Variants in PEX3 observed in about 807,000 individuals in gnomAD.
The protein encoded by PEX3 is peroxisomal biogenesis factor 3.
A neutral mutation model predicts 55.8 loss-of-function variants in PEX3; 30 were observed. That is an observed-to-expected ratio of 0.54 (90% CI 0.40 to 0.73). The LOEUF (loss-of-function observed/expected upper bound fraction) is 0.73. PEX3 is among the 30% of genes least tolerant of loss of function. The pLI is 0.00. For synonymous variants in PEX3, 135 were observed against 148.4 expected (o/e 0.91, Z 0.66); for missense variants, 351 against 432.8 (o/e 0.81, Z 1.68).
In PEX3 at chr6:143,475,196, A is replaced by G. The variant is rs161064; in HGVS notation, c.818+340A>G. Among the ~76,000 whole-genome samples the G allele has an allele frequency of 0.37, 55,691 of 152,046 alleles. 10,570 individuals are homozygous for G. Among genetic ancestry groups the G allele is most frequent in the Admixed American group, 0.46 (6,961 of 15,290 alleles). ...CATCAGTGATCTTTTGCCATATCCA[A>G]TGAACCTGTAATGTTCATCTTACTT... On this transcript the variant is annotated intron_variant, in intron 9 of 11. Coordinates refer to ENST00000367591, the MANE Select transcript of PEX3 (RefSeq NM_003630.3). This position sits in a 1 kb window ranked among gnomAD's most constrained non-coding sequence, Gnocchi z 4.4.
Position 143,484,386 on chromosome 6 carries a change from AT to A in PEX3, c.942-762del, listed in dbSNP as rs1293345147. Among the ~76,000 whole-genome samples, 11 of 152,184 alleles carry A rather than the reference AT, an allele frequency of 7.2e-5. No homozygotes were observed. The South Asian group carries it at 2.1e-3, about 29-fold the overall frequency. On this transcript the variant is annotated intron_variant, in intron 10 of 11. Coordinates refer to ENST00000367591, the MANE Select transcript of PEX3 (RefSeq NM_003630.3). ...TAGGCAAGGGAAAGAAGTGCCAAGG[AT>A]TTTCAAAAGATTTTAAGATTATTAA...
rs183879611 is a variant in PEX3 at position 143,462,524 on chromosome 6, G to C, written c.206-392G>C. The stretch of plus-strand genomic sequence containing the variant: ...TATAGCTGAATATAAAAATGCTTTT[G>C]ATCATTGTCATTAAATCAGAAGTAA... On this transcript the variant is annotated intron_variant, in intron 2 of 11. Transcript: ENST00000367591. The surrounding 1 kb of genome is among the most constrained non-coding windows in gnomAD (Gnocchi z 4.1). Among the ~76,000 whole-genome samples, 20 of 152,124 alleles carry C rather than the reference G, an allele frequency of 1.3e-4. No homozygotes were observed. Among genetic ancestry groups the C allele is most frequent in the Non-Finnish European group, 2.6e-4 (18 of 67,998 alleles).
At chr6:143,473,185 A>G (rs1321431705) in intron 8 of PEX3, among the ~76,000 whole-genome samples, 3 of 152,260 alleles carry the variant, frequency 2.0e-5, no homozygotes, top group South Asian at 4.1e-4. Context: ...AGGATTTCCC[A>G]TTGCCAGAGA....
Position 143,454,267 on chromosome 6 carries a change from G to A in PEX3, c.73+3152G>A, listed in dbSNP as rs1779813488. Among the ~76,000 whole-genome samples, 1 of 152,082 alleles carries A rather than the reference G, an allele frequency of 6.6e-6. No homozygotes were observed. Among genetic ancestry groups the A allele is most frequent in the Admixed American group, 6.6e-5 (1 of 15,250 alleles). On this transcript the variant is annotated intron_variant, in intron 1 of 11. Transcript: ENST00000367591. The surrounding 1 kb of genome is among the most constrained non-coding windows in gnomAD (Gnocchi z 4.3). Reference sequence around the variant, plus strand: ...GCATGAGAGAATGAGAATGAAAAAGGCAAATAACATTTTAGTATTATTACG... The same window carrying A: ...GCATGAGAGAATGAGAATGAAAAAGACAAATAACATTTTAGTATTATTACG...
rs1269616736 is a variant in PEX3, at chr6:143,463,875, G to A, written c.287+878G>A. Among the ~76,000 whole-genome samples the A allele has an allele frequency of 6.6e-6, 1 of 152,082 alleles. No homozygotes were observed. Among genetic ancestry groups the A allele is most frequent in the African/African-American group, 2.4e-5 (1 of 41,420 alleles). On this transcript the variant is annotated intron_variant, in intron 3 of 11. Coordinates refer to ENST00000367591, the MANE Select transcript of PEX3 (RefSeq NM_003630.3). The surrounding 1 kb of genome is among the most constrained non-coding windows in gnomAD (Gnocchi z 5.7). ...ATTCATTTTGCAGTAGGAATTGAGTGCTCAGACAGGCTACATAACAAGTGG... is the reference window on the plus strand; with the variant it reads ...ATTCATTTTGCAGTAGGAATTGAGTACTCAGACAGGCTACATAACAAGTGG...
Position 143,471,432 on chromosome 6 carries a change from A to C in PEX3, c.506A>C (p.Gln169Pro). 6.2e-7 allele frequency: 1 copy of C among 1,603,728 alleles called. No individual in the cohort carries two copies. Among genetic ancestry groups the C allele is most frequent in the Non-Finnish European group, 8.5e-7 (1 of 1,170,978 alleles). Reference sequence around the variant, plus strand: ...CAACAGCAGTATTTATCAAGTATTCAGCACCTACTTGGAGATGGTAAGATT... The same window carrying C: ...CAACAGCAGTATTTATCAAGTATTCCGCACCTACTTGGAGATGGTAAGATT... ...DVQQQYLSSI[Q>P]HLLGDGLTEL... The change falls in exon 6 of 12, where the codon CAG becomes CCG. Residue 169 changes from glutamine (Q) to proline (P), a missense_variant. Coordinates refer to ENST00000367591, the MANE Select transcript of PEX3 (RefSeq NM_003630.3). This position sits in a 1 kb window ranked among gnomAD's most constrained non-coding sequence, Gnocchi z 5.4.
At position 143,463,064 on chromosome 6, in the gene PEX3, A is replaced by C; in HGVS notation, c.287+67A>C. On this transcript the variant is annotated intron_variant, in intron 3 of 11. Transcript: ENST00000367591. This position sits in a 1 kb window ranked among gnomAD's most constrained non-coding sequence, Gnocchi z 5.7. ...TAAAGTTTATAGAATGAACTGATAG[A>C]CTTTTCAAAAATCTTTGTTATTTTT... 8.7e-7 allele frequency: 1 copy of C among 1,148,180 alleles called. No homozygotes were observed. 71.1% of individuals were successfully genotyped at this position (1,148,180 alleles called of 1,614,324 possible).
Position 143,471,246 on chromosome 6 carries a change from AT to A in PEX3, c.457-132del. On this transcript the variant is annotated intron_variant, in intron 5 of 11. Coordinates refer to ENST00000367591, the MANE Select transcript of PEX3 (RefSeq NM_003630.3). The surrounding 1 kb of genome is among the most constrained non-coding windows in gnomAD (Gnocchi z 5.4). ...ATAATTTTTATATGTTGAAACTAGA[AT>A]TTTTGGTGTGTTAAAAATTACTATT... is the stretch of plus-strand genomic sequence containing the variant. 2.0e-6 allele frequency: 2 copies of A among 991,856 alleles called. No homozygotes were observed. The highest frequency in any genetic ancestry group is 3.1e-6 in the Non-Finnish European group (2 of 648,732). 61.4% of individuals were successfully genotyped at this position (991,856 alleles called of 1,614,324 possible). A position where few individuals can be genotyped will look rare whatever the true frequency, so the allele number is the denominator to read the frequency against.
chr6:143,463,492 C>G lies in PEX3; in HGVS notation c.287+495C>G, dbSNP rs113195665. Among the ~76,000 whole-genome samples the G allele has an allele frequency of 0.013, 1,947 of 152,252 alleles. 33 individuals carry two copies. The highest frequency in any genetic ancestry group is 0.044 in the African/African-American group (1,835 of 41,550). On this transcript the variant is annotated intron_variant, in intron 3 of 11. Coordinates refer to ENST00000367591, the MANE Select transcript of PEX3 (RefSeq NM_003630.3). The surrounding 1 kb of genome is among the most constrained non-coding windows in gnomAD (Gnocchi z 5.7). ...ATACTAATAATTTACATTGCCATGGCAGTTTGCTGTTTCCAAAAGCACTTT... is the reference window on the plus strand; with the variant it reads ...ATACTAATAATTTACATTGCCATGGGAGTTTGCTGTTTCCAAAAGCACTTT...
Position 143,458,626 on chromosome 6 carries a change from G to C in PEX3, c.74-459G>C, listed in dbSNP as rs1284570708. Among the ~76,000 whole-genome samples the C allele has an allele frequency of 1.3e-5, 2 of 151,738 alleles. No homozygotes were observed. Among genetic ancestry groups the C allele is most frequent in the Non-Finnish European group, 2.9e-5 (2 of 67,914 alleles). ...TAAAACTCACCTATTTTTTGTATCT[G>C]TTTCCATTAAAAAAAGTAACATTTC... On this transcript the variant is annotated intron_variant, in intron 1 of 11. Coordinates refer to ENST00000367591, the MANE Select transcript of PEX3 (RefSeq NM_003630.3). The surrounding 1 kb of genome is among the most constrained non-coding windows in gnomAD (Gnocchi z 6.1).
At chr6:143,455,903 C>CT (rs1247015580) in intron 1 of PEX3, among the ~76,000 whole-genome samples, 3 of 152,054 alleles carry the variant, frequency 2.0e-5, no homozygotes, top group Non-Finnish European at 4.4e-5. Context: ...TATTTTCAAA[C>CT]TTTTTTTGAA....
chr6:143,469,851 G>C (rs1780045733), intron 4 of PEX3, among the ~76,000 whole-genome samples: 1 of 152,122 alleles, frequency 6.6e-6, no homozygotes, highest in Non-Finnish European at 1.5e-5. Flanking sequence ...ATTAATTTTT[G>C]TATAAGGTGT....
chr6:143,489,438 A>G lies in PEX3; in HGVS notation c.*212A>G, dbSNP rs939930992. Reference sequence around the variant, plus strand: ...CAGACCAGTTTTTGTGGGCATATATATATACACGTGCAAATATCAGAATTG... The same window carrying G: ...CAGACCAGTTTTTGTGGGCATATATGTATACACGTGCAAATATCAGAATTG... On this transcript the variant is annotated 3_prime_UTR_variant, in exon 12 of 12. Coordinates refer to ENST00000367591, the MANE Select transcript of PEX3 (RefSeq NM_003630.3). This position sits in a 1 kb window ranked among gnomAD's most constrained non-coding sequence, Gnocchi z 5.5. 30 of 423,596 alleles carry G rather than the reference A, an allele frequency of 7.1e-5. No individual in the cohort carries two copies. Among genetic ancestry groups the G allele is most frequent in the Non-Finnish European group, 1.1e-4 (26 of 232,566 alleles). 26.2% of individuals were successfully genotyped at this position (423,596 alleles called of 1,614,324 possible).
At position 143,463,127 on chromosome 6, in the gene PEX3, ATAC is replaced by A. The variant is rs1779947488; in HGVS notation, c.287+133_287+135del. ...AGTTTATATAGGCTCAGTAAGAAAA[ATAC>A]TAACTATATCATTTAACCTACATTT... On this transcript the variant is annotated intron_variant, in intron 3 of 11. Transcript: ENST00000367591. The surrounding 1 kb of genome is among the most constrained non-coding windows in gnomAD (Gnocchi z 5.7). The A allele has an allele frequency of 2.9e-6, 2 of 696,006 alleles. No individual in the cohort carries two copies. The highest frequency in any genetic ancestry group is 3.6e-5 in the African/African-American group (2 of 55,620). 43.1% of individuals were successfully genotyped at this position (696,006 alleles called of 1,614,324 possible).
At chr6:143,472,555 T>C (rs555596289) in intron 8 of PEX3, among the ~76,000 whole-genome samples, 6 of 152,192 alleles carry the variant, frequency 3.9e-5, no homozygotes, top group Non-Finnish European at 8.8e-5. Context: ...TTATCAGGTA[T>C]GTGACAGTAG....
chr6:143,470,285 A>G (rs1780055155), intron 4 of PEX3, among the ~76,000 whole-genome samples: 1 of 151,944 alleles, frequency 6.6e-6, no homozygotes, highest in Non-Finnish European at 1.5e-5. Flanking sequence ...AGATTTCTAC[A>G]TTCCCTTTCT....
In PEX3 at chr6:143,462,007, A is replaced by G. The variant is rs1779927035; in HGVS notation, c.206-909A>G. 6.6e-6 allele frequency among the ~76,000 whole-genome samples: 1 copy of G among 152,174 alleles called. No individual in the cohort carries two copies. Among genetic ancestry groups the G allele is most frequent in the South Asian group, 2.1e-4 (1 of 4,828 alleles). ...TTCATTTTGTTATCGTTACTTTTTT[A>G]GGGTTTAGAGACTCATTTTACATTT... is the stretch of plus-strand genomic sequence containing the variant. On this transcript the variant is annotated intron_variant, in intron 2 of 11. Coordinates refer to ENST00000367591, the MANE Select transcript of PEX3 (RefSeq NM_003630.3). The surrounding 1 kb of genome is among the most constrained non-coding windows in gnomAD (Gnocchi z 4.1).
At chr6:143,477,604 A>G (rs915848550) in intron 9 of PEX3, among the ~76,000 whole-genome samples, 5 of 152,042 alleles carry the variant, frequency 3.3e-5, no homozygotes, top group Non-Finnish European at 7.4e-5. Flanking sequence ...TTCTATTTTT[A>G]TGTGTGTGAA....
chr6:143,462,180 A>T lies in PEX3; in HGVS notation c.206-736A>T, dbSNP rs1427427426. Among the ~76,000 whole-genome samples, 2 of 152,178 alleles carry T rather than the reference A, an allele frequency of 1.3e-5. No individual in the cohort carries two copies. The highest frequency in any genetic ancestry group is 2.9e-5 in the Non-Finnish European group (2 of 68,028). ...TCCCATAGATTGCTAGTCTCATTTC[A>T]TCTTCACATTATTCCTGGGAGTAAG... On this transcript the variant is annotated intron_variant, in intron 2 of 11. Coordinates refer to ENST00000367591, the MANE Select transcript of PEX3 (RefSeq NM_003630.3). This position sits in a 1 kb window ranked among gnomAD's most constrained non-coding sequence, Gnocchi z 4.1.
Sources: gnomAD v4.1 joint callset for allele counts (sites outside exome capture counted in the v4.1 genomes callset) on GRCh38, gnomAD v4.1.1 for gene constraint, Gnocchi (gnomAD v3.1) non-coding constraint, MANE v1.5 for transcripts, NCBI Gene and HGNC (gene_info 2026-07-23, HGNC 2026-07-21) for gene names.